COL17A1: variants seen among roughly 807,000 people sequenced by gnomAD.
COL17A1 encodes collagen alpha-1(XVII) chain.
In COL17A1, 181 loss-of-function variants were observed where a neutral mutation model predicts 218.4. That is an observed-to-expected ratio of 0.83 (90% CI 0.73 to 0.94). COL17A1 has a LOEUF of 0.94. Ranked by LOEUF, COL17A1 falls within the 40% of genes least tolerant of loss-of-function variation. COL17A1 has a pLI of 0.00. For synonymous variants in COL17A1, 721 were observed against 731.0 expected (o/e 0.99, Z 0.22); for missense variants, 1,924 against 1,945.9 (o/e 0.99, Z 0.21).
At chr10:104,033,587 T>C (rs1844720771) in intron 52 of COL17A1, among the ~76,000 whole-genome samples, 1 of 152,242 alleles carries the variant, frequency 6.6e-6, no homozygotes, top group Non-Finnish European at 1.5e-5. Context: ...GCTTGTTGAC[T>C]GCGTAACTGT....
intron 55 of COL17A1, 136 bp downstream of exon 55, chr10:104,032,538 G>T: frequency 1.1e-6 from 1 of 950,616 alleles, no homozygotes; most frequent in Non-Finnish European, 1.7e-6. Flanking sequence ...TTCTGCTTTT[G>T]GCAGTGTCTG....
intron 33 of COL17A1, 127 bp from the exon 34 acceptor site, chr10:104,043,987 C>A (rs2086386040): frequency 8.8e-6 from 9 of 1,016,990 alleles, no homozygotes; most frequent in Non-Finnish European, 1.4e-5. Flanking sequence ...AGGCTAAAGG[C>A]ATTTTAATGA....
At chr10:104,052,933 G>T (rs961243424) in intron 23 of COL17A1, 98 bp downstream of exon 23, 4 of 1,413,592 alleles carry the variant, frequency 2.8e-6, no homozygotes, top group Non-Finnish European at 4.0e-6. Context: ...TGAAGGAAGG[G>T]GGGAGAAACA....
At chr10:104,056,840 G>A (rs2134620230) in intron 17 of COL17A1, 135 bp downstream of exon 17, 1 of 1,505,682 alleles carries the variant, frequency 6.6e-7, no homozygotes, top group African/African-American at 1.4e-5. Context: ...GCGGTAACAA[G>A]GGTCTGCACC....
Position 104,039,482 on chromosome 10 carries a change from T to C in COL17A1, c.2859A>G (p.Pro953=). The C allele has an allele frequency of 6.2e-7, 1 of 1,614,140 alleles. No individual in the cohort carries two copies. Among genetic ancestry groups the C allele is most frequent in the Non-Finnish European group, 8.5e-7 (1 of 1,180,014 alleles). The change falls in exon 43 of 56, where the codon CCA becomes CCG. Residue 953 remains proline, a synonymous_variant. Coordinates refer to ENST00000648076, the MANE Select transcript of COL17A1 (RefSeq NM_000494.4). ...SSFGLNLQGP[P]GPPGPQGPKG... ...TGGGTCCCTGGGGGCCAGGTGGGCCTGGTGGTCCCTGAAGGTTGAGTCCGA... is the reference window on the plus strand; with the variant it reads ...TGGGTCCCTGGGGGCCAGGTGGGCCCGGTGGTCCCTGAAGGTTGAGTCCGA...
intron 25 of COL17A1, 115 bp from the exon 26 acceptor site, chr10:104,051,016 A>G: frequency 6.5e-7 from 1 of 1,548,834 alleles, no homozygotes. Flanking sequence ...ACCCTATAGT[A>G]AAAGTCAAAG....
intron 24 of COL17A1, 106 bp downstream of exon 24, chr10:104,052,049 A>C (rs1297143341): frequency 6.8e-7 from 1 of 1,467,270 alleles, no homozygotes; most frequent in Non-Finnish European, 9.5e-7. Context: ...GGCCTGGGGC[A>C]GGGGGTTAGG....
rs1020667288 is a variant in COL17A1, at chr10:104,034,505, C to A, written c.3766+116G>T. 8 of 1,517,314 alleles carry A rather than the reference C, an allele frequency of 5.3e-6. No individual in the cohort carries two copies. In the East Asian group the frequency reaches 9.8e-5, roughly 19 times the overall value. 94.0% of individuals were successfully genotyped at this position (1,517,314 alleles called of 1,614,324 possible). On this transcript the variant is annotated intron_variant, in intron 51 of 55. Coordinates refer to ENST00000648076, the MANE Select transcript of COL17A1 (RefSeq NM_000494.4). ...TGGTGTGGAAGGAAACCGGGCTTAC[C>A]CCACCAGTGGCTCTCGTGTGGCCTT...
At chr10:104,047,998 G>A (rs1816807905) in intron 30 of COL17A1, 71 bp downstream of exon 30, 2 of 1,573,344 alleles carry the variant, frequency 1.3e-6, no homozygotes, top group Non-Finnish European at 1.8e-6. Context: ...TGGTTAAGGG[G>A]ACTGAGGGCT....
chr10:104,033,903 G>A (rs369227942), intron 52 of COL17A1, 42 bp downstream of exon 52: 144 of 1,613,216 alleles, frequency 8.9e-5, no homozygotes, highest in Middle Eastern at 3.3e-4. Context: ...ATGCTCCCAC[G>A]CTCCTTCCCC....
At position 104,077,524 on chromosome 10, in the gene COL17A1, C is replaced by T. The variant is rs759217642; in HGVS notation, c.100G>A (p.Gly34Ser). Residue 34 changes from glycine to serine, a missense_variant and splice_region_variant, in exon 4 of 56, where the codon GGC (glycine) becomes AGC (serine). Physicochemically the swap from Gly to Ser is moderately conservative, Grantham distance 56 (BLOSUM62 0). Coordinates refer to ENST00000648076, the MANE Select transcript of COL17A1 (RefSeq NM_000494.4). ...TTAGCATAGCCATTGCTGGTCCCGC[C>T]TTCTGCCAGGAACAAAAGCAGGTGA... ...TTRLTSLPPKGGTSNGYAKTA... is the reference protein window; with the variant it reads ...TTRLTSLPPKSGTSNGYAKTA... 1 of 1,610,452 alleles carries T rather than the reference C, an allele frequency of 6.2e-7. No homozygotes were observed. Among genetic ancestry groups the T allele is most frequent in the South Asian group, 1.1e-5 (1 of 90,266 alleles).
chr10:104,053,169 A>G (rs1294961792), intron 22 of COL17A1, 34 bp from the exon 23 acceptor site: 3 of 1,607,500 alleles, frequency 1.9e-6, no homozygotes, highest in Non-Finnish European at 2.5e-6. Flanking sequence ...CCAAGTCAGG[A>G]TCCCGTACCC....
intron 51 of COL17A1, 85 bp from the exon 52 acceptor site, chr10:104,034,419 T>C: frequency 1.3e-6 from 2 of 1,488,748 alleles, no homozygotes; most frequent in Non-Finnish European, 1.8e-6. Context: ...TCCCAGGGTG[T>C]CAATGCCCCT....
intron 5 of COL17A1, 27 bp downstream of exon 5, chr10:104,076,274 C>T: frequency 1.2e-6 from 2 of 1,613,552 alleles, no homozygotes; most frequent in Non-Finnish European, 1.7e-6. Context: ...GAGAATGGTT[C>T]TCTTGTATGG....
chr10:104,067,286 A>G (rs2086633932), intron 9 of COL17A1, among the ~76,000 whole-genome samples: 1 of 151,256 alleles, frequency 6.6e-6, no homozygotes, highest in Non-Finnish European at 1.5e-5. Flanking sequence ...TCGAGCTTCA[A>G]CAAGTAAAAG....
chr10:104,072,215 G>A (rs1276443126), intron 7 of COL17A1, 136 bp from the exon 8 acceptor site: 4 of 1,351,276 alleles, frequency 3.0e-6, no homozygotes, highest in African/African-American at 2.9e-5. Context: ...AAATCTAGGT[G>A]TGCCCAAGAA....
intron 41 of COL17A1, among the ~76,000 whole-genome samples, 154 bp from the exon 42 acceptor site, chr10:104,039,794 ACGCACACG>A (rs776649770): frequency 2.2e-5 from 3 of 138,606 alleles, no homozygotes; most frequent in East Asian, 2.0e-4. Flanking sequence ...ACACACACAC[ACGCACACG>A]CACACTTGCA....
intron 8 of COL17A1, among the ~76,000 whole-genome samples, chr10:104,071,693 G>A (rs940777451): frequency 6.6e-6 from 1 of 151,944 alleles, no homozygotes; most frequent in Non-Finnish European, 1.5e-5. Flanking sequence ...ACCTACCCCG[G>A]GAAGTCTTCT....
intron 48 of COL17A1, 58 bp downstream of exon 48, chr10:104,036,434 G>C (rs1019674436): frequency 6.2e-7 from 1 of 1,610,436 alleles, no homozygotes; most frequent in Admixed American, 1.7e-5. Flanking sequence ...TTCACGCTGC[G>C]AGTCCTCATC....
Sources: allele counts gnomAD v4.1 joint callset (sites outside exome capture counted in the v4.1 genomes callset), GRCh38; gene constraint gnomAD v4.1.1; transcripts MANE v1.5; gene names NCBI Gene and HGNC (gene_info 2026-07-23, HGNC 2026-07-21).